TYRO3: variants seen among roughly 807,000 people sequenced by gnomAD.
TYRO3 encodes tyrosine-protein kinase receptor TYRO3.
In TYRO3, 38 loss-of-function variants were observed where a neutral mutation model predicts 95.2. That is an observed-to-expected ratio of 0.40 (90% CI 0.31 to 0.52). TYRO3 has a LOEUF of 0.52. Among genes scored for constraint, TYRO3 ranks in the 20% least tolerant of loss-of-function variants. The pLI is 0.56. For synonymous variants in TYRO3, 367 were observed against 432.9 expected (o/e 0.85, Z 1.89); for missense variants, 812 against 1,116.4 (o/e 0.73, Z 3.89).
chr15:41,574,381 A>C lies in TYRO3; in HGVS notation c.2282+566A>C, dbSNP rs193058999. 1.8e-4 allele frequency among the ~76,000 whole-genome samples: 28 copies of C among 152,316 alleles called. No homozygotes were observed. In the East Asian group the frequency reaches 5.4e-3, roughly 29 times the overall value. ...TGATACCACCCACTTTGCTACAGTGATAACAGACCCTGTGACAAGATAATG... is the reference window on the plus strand; with the variant it reads ...TGATACCACCCACTTTGCTACAGTGCTAACAGACCCTGTGACAAGATAATG... On this transcript the variant is annotated intron_variant, in intron 18 of 18. Transcript: ENST00000263798.
At chr15:41,574,775 A>G in intron 18 of TYRO3, 1 of 453,998 alleles carries the variant, frequency 2.2e-6, no homozygotes, top group South Asian at 1.6e-5. Flanking sequence ...GCTGGAGTGC[A>G]GTGGCGTGAT....
intron 1 of TYRO3, among the ~76,000 whole-genome samples, chr15:41,560,426 TGTGCGC>T (rs1200496390): frequency 5.8e-4 from 78 of 134,448 alleles, no homozygotes; most frequent in Non-Finnish European, 7.9e-4. Context: ...TGTGTGTGTG[TGTGCGC>T]GCGCGCGCGC....
At position 41,561,606 on chromosome 15, in the gene TYRO3, G is replaced by A. The variant is rs1235795747; in HGVS notation, c.376G>A (p.Glu126Lys). 7 of 1,592,456 alleles carry A rather than the reference G, an allele frequency of 4.4e-6. No homozygotes were observed. Among genetic ancestry groups the A allele is most frequent in the South Asian group, 1.1e-5 (1 of 86,986 alleles). ...CCAGGTGGAGGATGGGGGTGAAACCGAGATCTCCCAGCCAGTGTGGCTCAC... is the reference window on the plus strand; with the variant it reads ...CCAGGTGGAGGATGGGGGTGAAACCAAGATCTCCCAGCCAGTGTGGCTCAC... ...WCQVEDGGET[E>K]ISQPVWLTVE... Residue 126 changes from glutamate to lysine, a missense_variant, in exon 3 of 19, where the codon GAG becomes AAG. By Grantham distance (56) the Glu-to-Lys change is moderately conservative (BLOSUM62 1). Coordinates refer to ENST00000263798, the MANE Select transcript of TYRO3 (RefSeq NM_006293.4).
intron 3 of TYRO3, 108 bp downstream of exon 3, chr15:41,561,747 T>G (rs2055659669): frequency 3.8e-6 from 3 of 782,586 alleles, no homozygotes; most frequent in Non-Finnish European, 6.0e-6. Context: ...GCCCCACTGC[T>G]CTGTGGGGCC....
At position 41,572,366 on chromosome 15, in the gene TYRO3, C is replaced by T. The variant is rs929800159; in HGVS notation, c.1754-77C>T. 45 of 1,523,118 alleles carry T rather than the reference C, an allele frequency of 3.0e-5. No homozygotes were observed. The African/African-American group carries it at 5.7e-4, about 19-fold the overall frequency. The allele number at this position is 1,523,118 out of a possible 1,614,324, so 94.4% of individuals were successfully genotyped here. ...AGCCAGAGCTAGAGATGGGACCCAG[C>T]AGGTGGGGACTTATGCAGACACCTG... On this transcript the variant is annotated intron_variant, in intron 14 of 18. Transcript: ENST00000263798.
rs1201838182 is a variant in TYRO3, at chr15:41,583,466, A to G, written c.*5190A>G. The G allele has an allele frequency of 2.0e-5, 3 of 152,154 alleles. No individual in the cohort carries two copies. The highest frequency in any genetic ancestry group is 2.9e-5 in the Non-Finnish European group (2 of 68,044). The allele number at this position is 152,154 out of a possible 1,614,324, so 9.4% of individuals were successfully genotyped here. The stretch of plus-strand genomic sequence containing the variant: ...ATAATCTGTCTCCATTTCTCTATAT[A>G]GCCTCATTGATCTATCTAAACTCCC... On this transcript the variant is annotated 3_prime_UTR_variant, in exon 19 of 19. Transcript: ENST00000263798.
At chr15:41,564,957 G>T in intron 5 of TYRO3, 69 bp from the exon 6 acceptor site, 1 of 1,052,388 alleles carries the variant, frequency 9.5e-7, no homozygotes, top group South Asian at 1.3e-5. Flanking sequence ...CTCAAGGCTT[G>T]ACTCCCATGC....
chr15:41,575,720 GT>G (rs2055851557), intron 18 of TYRO3, among the ~76,000 whole-genome samples: 1 of 152,134 alleles, frequency 6.6e-6, no homozygotes, highest in African/African-American at 2.4e-5. Flanking sequence ...TTTCCATTAG[GT>G]TTTTGGTTTG....
chr15:41,561,311 G>A lies in TYRO3; in HGVS notation c.308+1G>A, dbSNP rs764446020. 9.2e-7 allele frequency: 1 copy of A among 1,086,708 alleles called. No individual in the cohort carries two copies. The highest frequency in any genetic ancestry group is 2.2e-5 in the Admixed American group (1 of 45,384). 67.3% of individuals were successfully genotyped at this position (1,086,708 alleles called of 1,614,324 possible). On this transcript the variant is annotated splice_donor_variant, in intron 2 of 18. Transcript: ENST00000263798. LOFTEE classifies it high-confidence loss of function. The stretch of plus-strand genomic sequence containing the variant: ...AGCAGCACTGGATCGGCTTCCTCAG[G>A]TGCAGGCCTGTGGGGGAAGGTGTGG...
At chr15:41,564,101 C>G in intron 4 of TYRO3, 83 bp from the exon 5 acceptor site, 1 of 1,301,582 alleles carries the variant, frequency 7.7e-7, no homozygotes, top group East Asian at 2.3e-5. Flanking sequence ...ATGTTCAGAC[C>G]AGAGCCTGAG....
In TYRO3 at chr15:41,573,052, C is replaced by T; in HGVS notation, c.1926C>T (p.Gly642=). ...LIRFMVDIAC[G]MEYLSSRNFI... ...GGTTCATGGTGGACATTGCCTGCGG[C>T]ATGGAGTACCTGAGCTCTCGGAACT... The change falls in exon 16 of 19, where the codon GGC becomes GGT. Residue 642 remains glycine, a synonymous_variant. Coordinates refer to ENST00000263798, the MANE Select transcript of TYRO3 (RefSeq NM_006293.4). The T allele has an allele frequency of 6.2e-7, 1 of 1,614,158 alleles. No individual in the cohort carries two copies. Among genetic ancestry groups the T allele is most frequent in the Non-Finnish European group, 8.5e-7 (1 of 1,180,040 alleles).
At chr15:41,577,601 A>G (rs2055875743) in intron 18 of TYRO3, 1 of 239,768 alleles carries the variant, frequency 4.2e-6, no homozygotes, top group South Asian at 6.5e-5. Context: ...AGGTGATCCC[A>G]CCTCAGCCTT....
Position 41,578,364 on chromosome 15 carries a change from C to CA in TYRO3, c.*89dup. 1.3e-6 allele frequency: 2 copies of CA among 1,533,698 alleles called. No homozygotes were observed. The highest frequency in any genetic ancestry group is 1.8e-6 in the Non-Finnish European group (2 of 1,129,038). On this transcript the variant is annotated 3_prime_UTR_variant, in exon 19 of 19. Coordinates refer to ENST00000263798, the MANE Select transcript of TYRO3 (RefSeq NM_006293.4). The stretch of plus-strand genomic sequence containing the variant: ...AAGCCCCGTCTGACCCCAGCCCAGA[C>CA]AGCAAGGTGTGGAGGCTCCTGTGGT...
intron 5 of TYRO3, chr15:41,564,774 C>T: frequency 2.0e-6 from 1 of 497,324 alleles, no homozygotes; most frequent in South Asian, 2.2e-5. Context: ...CATCTTATTC[C>T]TCAGTTACAC....
chr15:41,569,814 G>A (rs1031875686), intron 9 of TYRO3, among the ~76,000 whole-genome samples: 1 of 152,194 alleles, frequency 6.6e-6, no homozygotes, highest in Non-Finnish European at 1.5e-5. Context: ...AACTGGCATA[G>A]AAATCCATGG....
In TYRO3 at chr15:41,580,128, G is replaced by T. The variant is rs1245491331; in HGVS notation, c.*1852G>T. ...GTGCTTTCCAAGTTTTCTGCATTGA[G>T]CACAAAATGCTTTTGTAATTAGATA... On this transcript the variant is annotated 3_prime_UTR_variant, in exon 19 of 19. Coordinates refer to ENST00000263798, the MANE Select transcript of TYRO3 (RefSeq NM_006293.4). The T allele has an allele frequency of 6.6e-6, 1 of 152,052 alleles. No homozygotes were observed. 9.4% of individuals were successfully genotyped at this position (152,052 alleles called of 1,614,324 possible). A position where few individuals can be genotyped will look rare whatever the true frequency, so the allele number is the denominator to read the frequency against.
intron 1 of TYRO3, among the ~76,000 whole-genome samples, chr15:41,559,609 A>T (rs919405981): frequency 2.6e-5 from 4 of 152,140 alleles, no homozygotes; most frequent in Admixed American, 2.0e-4. Flanking sequence ...GGCGGGGTGG[A>T]AGAGAAGGGA....
chr15:41,564,910 G>A (rs367744324), intron 5 of TYRO3, 116 bp from the exon 6 acceptor site: 10 of 687,362 alleles, frequency 1.5e-5, no homozygotes, highest in Non-Finnish European at 2.3e-5. Flanking sequence ...CTGAGTAGCC[G>A]TCTTTAGGTT....
In TYRO3 at chr15:41,573,034, G is replaced by T. The variant is rs558416749; in HGVS notation, c.1908G>T (p.Met636Ile). Reference sequence around the variant, plus strand: ...CCCTCCAGACCCTGATCCGGTTCATGGTGGACATTGCCTGCGGCATGGAGT... The same window carrying T: ...CCCTCCAGACCCTGATCCGGTTCATTGTGGACATTGCCTGCGGCATGGAGT... The part of the protein sequence containing the change: ...NLPLQTLIRF[M>I]VDIACGMEYL... Residue 636 changes from methionine (M) to isoleucine (I), a missense_variant, in exon 16 of 19, where the codon ATG becomes ATT. Coordinates refer to ENST00000263798, the MANE Select transcript of TYRO3 (RefSeq NM_006293.4). 1.9e-6 allele frequency: 3 copies of T among 1,614,218 alleles called. No individual in the cohort carries two copies. Among genetic ancestry groups the T allele is most frequent in the South Asian group, 2.2e-5 (2 of 91,074 alleles).
Sources: allele counts gnomAD v4.1 joint callset (sites outside exome capture counted in the v4.1 genomes callset), GRCh38; gene constraint gnomAD v4.1.1; transcripts MANE v1.5; gene names NCBI Gene and HGNC (gene_info 2026-07-23, HGNC 2026-07-21).